The following TTC19 variants were observed in gnomAD, a reference collection of about 807,000 sequenced individuals.
The protein encoded by TTC19 is tetratricopeptide repeat protein 19, mitochondrial.
TTC19 carries 38 observed loss-of-function variants against 49.5 expected under a neutral mutation model. The ratio of observed to expected loss-of-function variants is 0.77; its 90% CI spans 0.59 to 1.01. The LOEUF is 1.01. Among genes scored for constraint, TTC19 ranks in the 50% least tolerant of loss-of-function variants. TTC19 has a pLI of 0.00. For synonymous variants in TTC19, 204 were observed against 185.2 expected, an observed-to-expected ratio of 1.10 and a Z score of -0.83; for missense variants, 475 against 477.7, an observed-to-expected ratio of 0.99 and a Z score of 0.05.
At chr17:16,015,799 A>C (rs1479245441) in intron 7 of TTC19, among the ~76,000 whole-genome samples, 1 of 152,134 alleles carries the variant, frequency 6.6e-6, no homozygotes, top group Non-Finnish European at 1.5e-5. Flanking sequence ...TATGACCAGT[A>C]CTCATTAGGC....
At chr17:16,006,428 A>C (rs1186803375) in intron 6 of TTC19, 46 bp from the exon 7 acceptor site, 2 of 1,405,904 alleles carry the variant, frequency 1.4e-6, no homozygotes, top group Non-Finnish European at 2.0e-6. Flanking sequence ...GGAAGAAAAA[A>C]AAAAGAAGAA....
intron 2 of TTC19, among the ~76,000 whole-genome samples, chr17:16,041,762 A>C (rs1344794915): frequency 7.0e-6 from 1 of 143,686 alleles, no homozygotes; most frequent in Admixed American, 7.1e-5. Context: ...TTTAAGACGG[A>C]GTCTCACTCT....
chr17:16,016,705 G>A (rs551847212), intron 7 of TTC19, among the ~76,000 whole-genome samples: 23 of 151,980 alleles, frequency 1.5e-4, no homozygotes, highest in East Asian at 3.9e-4. Context: ...GTACAGGTGT[G>A]CACCACTGCA....
chr17:16,011,388 C>T (rs939540678), intron 7 of TTC19, among the ~76,000 whole-genome samples: 7 of 152,064 alleles, frequency 4.6e-5, no homozygotes, highest in Admixed American at 6.5e-5. Context: ...CCATGTTGGC[C>T]GGCCTGGTCT....
At chr17:16,021,021 A>G (rs906695886) in intron 7 of TTC19, among the ~76,000 whole-genome samples, 1 of 151,928 alleles carries the variant, frequency 6.6e-6, no homozygotes, top group African/African-American at 2.4e-5. Flanking sequence ...CATTCATTCA[A>G]CAATTCAGTC....
chr17:16,039,980 G>A (rs1386839036), intron 2 of TTC19: 1 of 385,868 alleles, frequency 2.6e-6, no homozygotes, highest in African/African-American at 2.1e-5. Context: ...TTAGGAGATG[G>A]GGTTTCACCA....
chr17:16,039,404 G>A (rs1006978097), intron 2 of TTC19: 3 of 1,599,504 alleles, frequency 1.9e-6, no homozygotes, highest in Non-Finnish European at 2.6e-6. Flanking sequence ...GGGAAAAGCA[G>A]CAGAAAAGCA....
At chr17:16,007,657 G>T (rs1970951175) in intron 7 of TTC19, among the ~76,000 whole-genome samples, 1 of 152,162 alleles carries the variant, frequency 6.6e-6, no homozygotes, top group African/African-American at 2.4e-5. Context: ...AGTGACTGAG[G>T]CCAGCTGCCG....
rs368094624 is a variant in TTC19, at chr17:16,036,950, CTT to C, written c.248-7551_248-7550del. Among the ~76,000 whole-genome samples the C allele has an allele frequency of 3.6e-3, 543 of 152,336 alleles. 3 individuals carry two copies. The highest frequency in any genetic ancestry group is 0.012 in the African/African-American group (509 of 41,566). ...TAACTGTTTGGCACATGAGGTCTAG[CTT>C]TCAGCCTGTCTTGGCTTTCAACATG... On this transcript the variant is annotated intron_variant, in intron 2 of 2. Coordinates refer to the TTC19 transcript ENST00000470649.
intron 7 of TTC19, among the ~76,000 whole-genome samples, chr17:16,009,555 A>G (rs537987382): frequency 6.6e-6 from 1 of 152,304 alleles, no homozygotes; most frequent in East Asian, 1.9e-4. Flanking sequence ...AATTTCTATT[A>G]TAAATATTAT....
downstream of TTC19, chr17:16,032,612 A>T (rs1972327793): frequency 1.2e-6 from 1 of 829,260 alleles, no homozygotes; most frequent in South Asian, 2.0e-5. Flanking sequence ...AAGCAAAATG[A>T]ATACAACACG....
chr17:16,044,956 G>T, exon 3 of TTC19: 3 of 547,918 alleles, frequency 5.5e-6, no homozygotes, highest in South Asian at 3.7e-5. Flanking sequence ...TGGTTGTTTT[G>T]ACTAAATTTC....
chr17:16,003,743 A>G lies in TTC19; in HGVS notation c.463-88A>G, dbSNP rs544553358. Reference sequence around the variant, plus strand: ...ATATGGGTTTTACAAGGAATGTTGCATCAGACTGGCACTTAGAATCCAGGG... The same window carrying G: ...ATATGGGTTTTACAAGGAATGTTGCGTCAGACTGGCACTTAGAATCCAGGG... On this transcript the variant is annotated intron_variant, in intron 4 of 9. Coordinates refer to ENST00000261647, the MANE Select transcript of TTC19 (RefSeq NM_017775.4). The G allele has an allele frequency of 1.9e-4, 227 of 1,208,372 alleles. 3 individuals carry two copies. Among genetic ancestry groups the G allele is most frequent in the South Asian group, 1.4e-3 (109 of 77,042 alleles). 74.9% of individuals were successfully genotyped at this position (1,208,372 alleles called of 1,614,324 possible). A position where few individuals can be genotyped will look rare whatever the true frequency, so the allele number is the denominator to read the frequency against.
At chr17:16,025,929 G>A (rs967083538) in intron 8 of TTC19, among the ~76,000 whole-genome samples, 33 of 152,098 alleles carry the variant, frequency 2.2e-4, no homozygotes, top group Admixed American at 2.0e-3. Flanking sequence ...AATGGAGTGA[G>A]GAATAATAAA....
At chr17:16,007,706 C>G (rs1238164103) in intron 7 of TTC19, among the ~76,000 whole-genome samples, 1 of 152,200 alleles carries the variant, frequency 6.6e-6, no homozygotes, top group East Asian at 1.9e-4. Flanking sequence ...TGATTCATGT[C>G]CTGGGCAGGA....
At chr17:16,008,400 A>G (rs1054576748) in intron 7 of TTC19, among the ~76,000 whole-genome samples, 2 of 152,150 alleles carry the variant, frequency 1.3e-5, no homozygotes, top group African/African-American at 2.4e-5. Flanking sequence ...GAACCTAAGA[A>G]TTGTCCATGA....
downstream of TTC19, chr17:16,031,455 A>C: frequency 1.0e-5 from 2 of 197,004 alleles, no homozygotes; most frequent in Non-Finnish European, 2.1e-5. Flanking sequence ...GTTGGGCTGC[A>C]TCAAATGCAG....
At position 16,026,658 on chromosome 17, in the gene TTC19, TAC is replaced by T; in HGVS notation, c.954_955del (p.Met319GlyfsTer4). 1 of 1,614,172 alleles carries T rather than the reference TAC, an allele frequency of 6.2e-7. No individual in the cohort carries two copies. Among genetic ancestry groups the T allele is most frequent in the Non-Finnish European group, 8.5e-7 (1 of 1,180,000 alleles). The stretch of plus-strand genomic sequence containing the variant: ...GCAAGACAGATAAATCATCCTGAGC[TAC>T]ACATGGTACTCAGTAATCTAGCTGC... On this transcript the variant is annotated frameshift_variant, in exon 9 of 10. Transcript: ENST00000261647. LOFTEE classifies it high-confidence loss of function.
intron 2 of TTC19, among the ~76,000 whole-genome samples, chr17:16,036,180 A>C (rs1172683757): frequency 6.6e-6 from 1 of 152,254 alleles, no homozygotes; most frequent in African/African-American, 2.4e-5. Context: ...GCATGAAAAC[A>C]ACATTCATCT....
Sources: gnomAD v4.1 joint callset for allele counts (sites outside exome capture counted in the v4.1 genomes callset) on GRCh38, gnomAD v4.1.1 for gene constraint, MANE v1.5 for transcripts, NCBI Gene and HGNC (gene_info 2026-07-23, HGNC 2026-07-21) for gene names.